CMTM4: variants seen among roughly 807,000 people sequenced by gnomAD.
CMTM4 encodes the protein CKLF-like MARVEL transmembrane domain-containing protein 4.
In CMTM4, 8 loss-of-function variants were observed where a neutral mutation model predicts 19.0. The ratio of observed to expected loss-of-function variants is 0.42; its 90% CI spans 0.25 to 0.76. The LOEUF is 0.76. Among genes scored for constraint, CMTM4 ranks in the 30% least tolerant of loss-of-function variants. CMTM4 has a pLI of 0.27. For synonymous variants in CMTM4, 106 were observed against 121.1 expected, an observed-to-expected ratio of 0.88 and a Z score of 0.82; for missense variants, 228 against 290.2, an observed-to-expected ratio of 0.79 and a Z score of 1.56.
At chr16:66,649,174 T>C (rs1362516986) in intron 1 of CMTM4, among the ~76,000 whole-genome samples, 2 of 152,082 alleles carry the variant, frequency 1.3e-5, no homozygotes, top group Non-Finnish European at 2.9e-5. Flanking sequence ...GGCTGTGTAA[T>C]AGCCACTGCA....
rs1407702570 is a variant in CMTM4, at chr16:66,670,214, A to G, written c.186+26126T>C. 6.6e-5 allele frequency among the ~76,000 whole-genome samples: 10 copies of G among 151,908 alleles called. No homozygotes were observed. In the East Asian group the frequency reaches 2.0e-3, roughly 30 times the overall value. ...GTAATCCCAGCACTCTGGGATGCCA[A>G]GGCGGGCAGATCACCTGAGGTTAAG... is the stretch of plus-strand genomic sequence containing the variant. On this transcript the variant is annotated intron_variant, in intron 1 of 3. Coordinates refer to ENST00000394106, the MANE Select transcript of CMTM4 (RefSeq NM_181521.3).
intron 1 of CMTM4, among the ~76,000 whole-genome samples, chr16:66,683,607 A>T (rs866696040): frequency 6.6e-6 from 1 of 151,746 alleles, no homozygotes. Context: ...AAACAAACAC[A>T]TACATTCAAC....
intron 1 of CMTM4, among the ~76,000 whole-genome samples, chr16:66,678,367 A>G (rs1446476223): frequency 6.6e-6 from 1 of 152,210 alleles, no homozygotes; most frequent in Non-Finnish European, 1.5e-5. Flanking sequence ...CAACATGATG[A>G]GCTGGATAAA....
At position 66,619,957 on chromosome 16, in the gene CMTM4, C is replaced by G; in HGVS notation, c.*2101G>C. 1.0e-6 allele frequency: 1 copy of G among 985,418 alleles called. No homozygotes were observed. Among genetic ancestry groups the G allele is most frequent in the Non-Finnish European group, 1.2e-6 (1 of 829,938 alleles). 61.0% of individuals were successfully genotyped at this position (985,418 alleles called of 1,614,324 possible). A position where few individuals can be genotyped will look rare whatever the true frequency, so the allele number is the denominator to read the frequency against. On this transcript the variant is annotated 3_prime_UTR_variant, in exon 4 of 4. Transcript: ENST00000394106. ...GTGACTTCAGAACTATTTCTTGCAG[C>G]TGACAACATATCCTCAGGAGGCCAA... is the stretch of plus-strand genomic sequence containing the variant.
intron 1 of CMTM4, among the ~76,000 whole-genome samples, chr16:66,684,853 G>T (rs538486790): frequency 6.6e-6 from 1 of 152,252 alleles, no homozygotes; most frequent in Admixed American, 6.5e-5. Flanking sequence ...TCAGCTGACA[G>T]GCCGAAGCCA....
In CMTM4 at chr16:66,621,161, T is replaced by C; in HGVS notation, c.*897A>G. On this transcript the variant is annotated 3_prime_UTR_variant, in exon 4 of 4. Transcript: ENST00000394106. ...AAATAGAGGGGTGTGTGTGTGCATGTGTGCGCGCACGCGTGTGCATGCTGT... is the reference window on the plus strand; with the variant it reads ...AAATAGAGGGGTGTGTGTGTGCATGCGTGCGCGCACGCGTGTGCATGCTGT... 1 of 985,762 alleles carries C rather than the reference T, an allele frequency of 1.0e-6. No homozygotes were observed. Among genetic ancestry groups the C allele is most frequent in the Non-Finnish European group, 1.2e-6 (1 of 829,940 alleles). The allele number at this position is 985,762 out of a possible 1,614,324, so 61.1% of individuals were successfully genotyped here.
At chr16:66,635,202 T>TACA (rs1483873984) in intron 2 of CMTM4, among the ~76,000 whole-genome samples, 1 of 152,216 alleles carries the variant, frequency 6.6e-6, no homozygotes, top group African/African-American at 2.4e-5. Flanking sequence ...GTTGAGACAT[T>TACA]ACAACCTGTC....
chr16:66,685,555 C>CGA (rs927988488), intron 1 of CMTM4, among the ~76,000 whole-genome samples: 1 of 152,104 alleles, frequency 6.6e-6, no homozygotes, highest in Non-Finnish European at 1.5e-5. Flanking sequence ...TTCATTCTAC[C>CGA]GAGAGAGAAG....
At chr16:66,659,906 T>C (rs2016470834) in intron 1 of CMTM4, among the ~76,000 whole-genome samples, 1 of 152,112 alleles carries the variant, frequency 6.6e-6, no homozygotes, top group South Asian at 2.1e-4. Flanking sequence ...ATAATAAAAA[T>C]TTAAATTTTT....
At chr16:66,600,136 G>GTGGTTTTTTT in the CMTM4 span, among the ~76,000 whole-genome samples, 12 of 135,166 alleles carry the variant, frequency 8.9e-5, no homozygotes, top group Admixed American at 2.3e-4. Flanking sequence ...GTGTGTGTGT[G>GTGGTTTTTTT]TTTTTTTTTG....
chr16:66,650,342 C>G (rs1408503293), intron 1 of CMTM4, among the ~76,000 whole-genome samples: 1 of 152,238 alleles, frequency 6.6e-6, no homozygotes, highest in African/African-American at 2.4e-5. Context: ...TAATAGCCTT[C>G]TCCTAAACTA....
intron 2 of CMTM4, among the ~76,000 whole-genome samples, chr16:66,628,301 C>A (rs1434925008): frequency 2.0e-5 from 3 of 152,176 alleles, no homozygotes; most frequent in Admixed American, 6.5e-5. Context: ...TCAGCACAGA[C>A]CCTTTACGGG....
chr16:66,660,588 A>C (rs1380734169), intron 1 of CMTM4, among the ~76,000 whole-genome samples: 2 of 152,240 alleles, frequency 1.3e-5, no homozygotes, highest in African/African-American at 4.8e-5. Context: ...GTTACACACA[A>C]TGTGACTAGT....
chr16:66,601,095 GTGTGTGTGTGTC>G, the CMTM4 span, among the ~76,000 whole-genome samples: 1 of 148,906 alleles, frequency 6.7e-6, no homozygotes, highest in African/African-American at 2.5e-5. Context: ...GTGTGTGTGT[GTGTGTGTGTGTC>G]TGTGTGTGTG....
Position 66,618,206 on chromosome 16 carries a change from C to T in CMTM4, c.*3852G>A. 1 of 985,476 alleles carries T rather than the reference C, an allele frequency of 1.0e-6. No individual in the cohort carries two copies. Among genetic ancestry groups the T allele is most frequent in the Non-Finnish European group, 1.2e-6 (1 of 829,938 alleles). 61.0% of individuals were successfully genotyped at this position (985,476 alleles called of 1,614,324 possible). ...CTGGAGCAGGAAGCAACTTGTTATTCTGCTCAAGAGAATCCACCAGCAGCT... is the reference window on the plus strand; with the variant it reads ...CTGGAGCAGGAAGCAACTTGTTATTTTGCTCAAGAGAATCCACCAGCAGCT... On this transcript the variant is annotated 3_prime_UTR_variant, in exon 4 of 4. Coordinates refer to ENST00000394106, the MANE Select transcript of CMTM4 (RefSeq NM_181521.3).
the CMTM4 span, among the ~76,000 whole-genome samples, chr16:66,600,136 G>GTGTGGTT: frequency 1.3e-4 from 18 of 135,164 alleles, no homozygotes; most frequent in East Asian, 9.1e-4. Flanking sequence ...GTGTGTGTGT[G>GTGTGGTT]TTTTTTTTTG....
chr16:66,610,843 C>T, downstream of CMTM4: 1 of 398,620 alleles, frequency 2.5e-6, no homozygotes, highest in East Asian at 3.6e-5. This position sits in a 1 kb window ranked among gnomAD's most constrained non-coding sequence, Gnocchi z 4.6. Context: ...CACTGGTTTC[C>T]TAACAGCCAG....
intron 1 of CMTM4, among the ~76,000 whole-genome samples, chr16:66,674,343 G>T (rs1402637422): frequency 1.3e-5 from 2 of 152,144 alleles, no homozygotes; most frequent in South Asian, 2.1e-4. Context: ...AGGAACCCAG[G>T]TATCTGCTCC....
In CMTM4 at chr16:66,623,514, G is replaced by C. The variant is rs375476976; in HGVS notation, c.364-12C>G. ...GTGTTGACCAAATCCTAAAGGGAGAGACAAAATAAACCAAGTGAAAAGAAC... is the reference window on the plus strand; with the variant it reads ...GTGTTGACCAAATCCTAAAGGGAGACACAAAATAAACCAAGTGAAAAGAAC... On this transcript the variant is annotated splice_polypyrimidine_tract_variant and intron_variant, in intron 2 of 3. Coordinates refer to ENST00000394106, the MANE Select transcript of CMTM4 (RefSeq NM_181521.3). 9 of 1,569,500 alleles carry C rather than the reference G, an allele frequency of 5.7e-6. No individual in the cohort carries two copies. The highest frequency in any genetic ancestry group is 7.8e-6 in the Non-Finnish European group (9 of 1,151,056).
Sources: allele counts gnomAD v4.1 joint callset (sites outside exome capture counted in the v4.1 genomes callset), GRCh38; gene constraint gnomAD v4.1.1; non-coding constraint Gnocchi (gnomAD v3.1); transcripts MANE v1.5; gene names NCBI Gene and HGNC (gene_info 2026-07-23, HGNC 2026-07-21).